Variants in EZH2 observed in about 807,000 individuals in gnomAD.
The protein encoded by EZH2 is enhancer of zeste 2 polycomb repressive complex 2 subunit.
EZH2 carries 18 observed loss-of-function variants against 98.4 expected under a neutral mutation model. The observed-to-expected ratio is 0.18, with a 90% confidence interval of 0.13 to 0.27. EZH2 has a LOEUF of 0.27. Ranked by LOEUF, EZH2 falls within the 10% of genes least tolerant of loss-of-function variation. The pLI is 1.00. For missense variants in EZH2, 470 were observed against 935.1 expected (o/e 0.50, Z 6.49); for synonymous variants, 338 against 312.3 (o/e 1.08, Z -0.87).
chr7:148,831,883 T>C lies in EZH2; in HGVS notation c.363+751A>G, dbSNP rs7782977. Among the ~76,000 whole-genome samples, 222 of 152,342 alleles carry C rather than the reference T, an allele frequency of 1.5e-3. 2 individuals are homozygous for C. Among genetic ancestry groups the C allele is most frequent in the African/African-American group, 5.2e-3 (216 of 41,590 alleles). ...CTTCAGTTTCTCTTTAGCATTTTAT[T>C]ACAAAAGCTGCTGCGTCAGAGTTAG... is the stretch of plus-strand genomic sequence containing the variant. On this transcript the variant is annotated intron_variant, in intron 4 of 19. Transcript: ENST00000320356.
At chr7:148,871,843 G>A (rs1447893602) in intron 1 of EZH2, among the ~76,000 whole-genome samples, 2 of 151,838 alleles carry the variant, frequency 1.3e-5, no homozygotes, top group East Asian at 1.9e-4. Context: ...CCAAGTGCTG[G>A]GATTACAGGC....
At chr7:148,865,205 C>T (rs1393598557) in intron 1 of EZH2, among the ~76,000 whole-genome samples, 2 of 151,032 alleles carry the variant, frequency 1.3e-5, no homozygotes, top group Non-Finnish European at 2.9e-5. Context: ...ACATGAGATA[C>T]CTGTTATTTC....
intron 8 of EZH2, among the ~76,000 whole-genome samples, chr7:148,823,109 C>T (rs1003352577): frequency 2.0e-5 from 3 of 152,060 alleles, no homozygotes; most frequent in Admixed American, 6.6e-5. Flanking sequence ...ATGCTAAAAG[C>T]CATTTTTCAC....
Position 148,818,069 on chromosome 7 carries a change from T to C in EZH2, c.1048A>G (p.Thr350Ala). 1 of 1,613,306 alleles carries C rather than the reference T, an allele frequency of 6.2e-7. No individual in the cohort carries two copies. Among genetic ancestry groups the C allele is most frequent in the Non-Finnish European group, 8.5e-7 (1 of 1,179,728 alleles). Residue 350 changes from threonine (T) to alanine (A), a missense_variant, in exon 10 of 20, where the codon ACC (threonine) becomes GCC (alanine). Transcript: ENST00000320356. ...AAALTAERIK[T>A]PPKRPGGRRR... ...CGGCCTCCTGGACGTTTTGGTGGGGTCTTTATCCGCTCAGCGGTGAGAGCA... is the reference window on the plus strand; with the variant it reads ...CGGCCTCCTGGACGTTTTGGTGGGGCCTTTATCCGCTCAGCGGTGAGAGCA...
intron 1 of EZH2, among the ~76,000 whole-genome samples, chr7:148,880,400 G>A (rs1488946027): frequency 6.6e-6 from 1 of 152,150 alleles, no homozygotes; most frequent in Non-Finnish European, 1.5e-5. Context: ...CAGCTTTTCA[G>A]TTAAAAGATC....
At chr7:148,852,858 A>G (rs1816103357) in intron 1 of EZH2, among the ~76,000 whole-genome samples, 1 of 152,168 alleles carries the variant, frequency 6.6e-6, no homozygotes, top group South Asian at 2.1e-4. Flanking sequence ...GAGACCATAT[A>G]TACAGTTGTT....
chr7:148,877,377 G>A (rs1233625795), intron 1 of EZH2, among the ~76,000 whole-genome samples: 2 of 152,134 alleles, frequency 1.3e-5, no homozygotes, highest in Non-Finnish European at 2.9e-5. Context: ...TCCTAAGCAC[G>A]TAATTTTAAC....
chr7:148,850,392 G>A, intron 1 of EZH2: 1 of 593,578 alleles, frequency 1.7e-6, no homozygotes, highest in South Asian at 7.5e-5. Flanking sequence ...TTTAGTACTA[G>A]AACTGTCCTT....
At chr7:148,826,066 G>A (rs1055477464) in intron 8 of EZH2, among the ~76,000 whole-genome samples, 11 of 152,042 alleles carry the variant, frequency 7.2e-5, no homozygotes, top group Non-Finnish European at 1.3e-4. Context: ...ACATTAAATC[G>A]ACAAGCACTT....
At chr7:148,872,733 T>G (rs1819596224) in intron 1 of EZH2, among the ~76,000 whole-genome samples, 1 of 152,246 alleles carries the variant, frequency 6.6e-6, no homozygotes, top group Admixed American at 6.5e-5. Flanking sequence ...TCTATTTTCT[T>G]AGATTTTTGT....
chr7:148,845,140 A>G (rs575018143), intron 3 of EZH2, among the ~76,000 whole-genome samples: 1 of 152,216 alleles, frequency 6.6e-6, no homozygotes, highest in Non-Finnish European at 1.5e-5. Context: ...TTCCATGTGA[A>G]TCTACCTAAT....
chr7:148,833,480 A>G (rs1297412118), intron 3 of EZH2, among the ~76,000 whole-genome samples: 2 of 151,944 alleles, frequency 1.3e-5, no homozygotes, highest in East Asian at 3.9e-4. Flanking sequence ...ATAAAATAAA[A>G]TAAAATAAAA....
rs369246381 is a variant in EZH2, at chr7:148,811,664, A to G, written c.1908T>C (p.Pro636=). Residue 636 remains proline (P), a synonymous_variant, in exon 16 of 20, where the codon CCT becomes CCC. Coordinates refer to ENST00000320356, the MANE Select transcript of EZH2 (RefSeq NM_004456.5). ...VAGWGIFIKD[P]VQKNEFISEY... ...CTGAGATGAATTCATTTTTCTGCAC[A>G]GGATCTTTGATAAAAATCCCCCAGC... 3.7e-6 allele frequency: 6 copies of G among 1,613,682 alleles called. No homozygotes were observed. The highest frequency in any genetic ancestry group is 5.1e-6 in the Non-Finnish European group (6 of 1,180,038).
rs1584907828 is a variant in EZH2, at chr7:148,813,885, C to G, written c.1851+74G>C. 5.4e-6 allele frequency: 8 copies of G among 1,479,692 alleles called. No homozygotes were observed. In the East Asian group the frequency reaches 1.1e-4, roughly 21 times the overall value. The allele number at this position is 1,479,692 out of a possible 1,614,324, so 91.7% of individuals were successfully genotyped here. ...TTACTTTTTGCCCCAGCTAAATCAT[C>G]TAAGGCAATCCTGACATTTGCATCA... On this transcript the variant is annotated intron_variant, in intron 15 of 19. Coordinates refer to ENST00000320356, the MANE Select transcript of EZH2 (RefSeq NM_004456.5).
At chr7:148,810,222 T>G (rs931846013) in intron 17 of EZH2, 111 bp downstream of exon 17, 49 of 705,096 alleles carry the variant, frequency 6.9e-5, no homozygotes, top group Non-Finnish European at 1.2e-4. Context: ...TCTAAGGAGA[T>G]CCTCCTTCTG....
In EZH2 at chr7:148,860,723, G is replaced by A. The variant is rs573924003; in HGVS notation, c.-7-13418C>T. ...AGGTCTCACTCTGGCCCTGGCTGAA[G>A]TGCACTGGCGCAATCACGGCTCACT... On this transcript the variant is annotated intron_variant, in intron 1 of 19. Transcript: ENST00000320356. Among the ~76,000 whole-genome samples, 3 of 152,268 alleles carry A rather than the reference G, an allele frequency of 2.0e-5. No homozygotes were observed. In the South Asian group the frequency reaches 6.2e-4, roughly 32 times the overall value.
chr7:148,877,859 C>A (rs546689946), intron 1 of EZH2, among the ~76,000 whole-genome samples: 1 of 152,196 alleles, frequency 6.6e-6, no homozygotes, highest in African/African-American at 2.4e-5. Context: ...GCTGACATAT[C>A]TTTAATCACC....
chr7:148,818,952 A>C, intron 9 of EZH2: 1 of 434,294 alleles, frequency 2.3e-6, no homozygotes, highest in South Asian at 1.7e-5. Context: ...ATTCTACAAA[A>C]ACCAAATTGC....
intron 17 of EZH2, 26 bp from the exon 18 acceptor site, chr7:148,809,416 C>T (rs1802426006): frequency 1.3e-6 from 2 of 1,551,382 alleles, no homozygotes; most frequent in East Asian, 4.6e-5. Context: ...TAAGCACAGC[C>T]CAGTGAATAA....
Sources: allele counts gnomAD v4.1 joint callset (sites outside exome capture counted in the v4.1 genomes callset), GRCh38; gene constraint gnomAD v4.1.1; transcripts MANE v1.5; gene names NCBI Gene and HGNC (gene_info 2026-07-23, HGNC 2026-07-21).